Variants in BEND4 observed in about 807,000 individuals in gnomAD.
BEND4 encodes BEN domain containing 4, also known as BEN domain-containing protein 4.
In BEND4, 27 loss-of-function variants were observed where a neutral mutation model predicts 54.7. The observed-to-expected ratio is 0.49, with a 90% CI of 0.36 to 0.68. The LOEUF (loss-of-function observed/expected upper bound fraction) is 0.68. BEND4 is among the 30% of genes least tolerant of loss of function. BEND4 has a pLI of 0.00. For synonymous variants in BEND4, 327 were observed against 299.5 expected (o/e 1.09, Z -0.95); for missense variants, 702 against 697.2 (o/e 1.01, Z -0.08).
intron 3 of BEND4, among the ~76,000 whole-genome samples, chr4:42,136,452 A>T (rs528078616): frequency 6.6e-6 from 1 of 152,292 alleles, no homozygotes; most frequent in East Asian, 1.9e-4. Flanking sequence ...TGGATTCGGT[A>T]TTTGCAAATT....
In BEND4 at chr4:42,143,679, G is replaced by A. The variant is rs754744473; in HGVS notation, c.803C>T (p.Ser268Leu). 253 of 1,613,888 alleles carry A rather than the reference G, an allele frequency of 1.6e-4. No individual in the cohort carries two copies. The highest frequency in any genetic ancestry group is 1.9e-4 in the Non-Finnish European group (223 of 1,179,888). ...CAGATGGCCATATTCACTGGCTGACGAGGGGTTTGGAGTTGGAAAGCTTCC... is the reference window on the plus strand; with the variant it reads ...CAGATGGCCATATTCACTGGCTGACAAGGGGTTTGGAGTTGGAAAGCTTCC... The part of the protein sequence containing the change: ...LSGSFPTPNP[S>L]SASEYGHLAD... Residue 268 changes from serine to leucine, a missense_variant, in exon 3 of 6, where the codon TCG becomes TTG. By Grantham distance (145) the Ser-to-Leu change is moderately radical. Coordinates refer to ENST00000502486, the MANE Select transcript of BEND4 (RefSeq NM_207406.4).
intron 3 of BEND4, among the ~76,000 whole-genome samples, chr4:42,130,479 CAAAAA>C (rs55989085): frequency 6.2e-5 from 4 of 64,922 alleles, no homozygotes; most frequent in South Asian, 6.1e-4. Context: ...GAGTCCGTCT[CAAAAA>C]AAAAAAAAAA....
Position 42,117,665 on chromosome 4 carries a change from C to A in BEND4, c.1458G>T (p.Val486=). The A allele has an allele frequency of 6.2e-7, 1 of 1,611,242 alleles. No individual in the cohort carries two copies. The highest frequency in any genetic ancestry group is 8.5e-7 in the Non-Finnish European group (1 of 1,178,710). The change falls in exon 6 of 6, where the codon GTG becomes GTT. Residue 486 remains valine (V), a synonymous_variant. Transcript: ENST00000502486. ...WMPSEEQINK[V]FSDAVGHARQ... ...GGGCGTGACCGACAGCGTCGCTGAA[C>A]ACTTTGTTTATCTGCTCTTCCGAGG...
chr4:42,147,702 T>A (rs1445251141), intron 2 of BEND4, among the ~76,000 whole-genome samples: 1 of 152,176 alleles, frequency 6.6e-6, no homozygotes, highest in Non-Finnish European at 1.5e-5. Flanking sequence ...GATAATATTA[T>A]GCTGCAAATT....
intron 4 of BEND4, among the ~76,000 whole-genome samples, chr4:42,124,842 TG>T (rs1351373624): frequency 1.3e-5 from 2 of 152,058 alleles, no homozygotes; most frequent in Non-Finnish European, 2.9e-5. Flanking sequence ...TGTGCTGTAG[TG>T]TAGAATGAAG....
At chr4:42,151,562 G>A in intron 2 of BEND4, 95 bp downstream of exon 2, 2 of 1,287,836 alleles carry the variant, frequency 1.6e-6, no homozygotes. Flanking sequence ...GGCCCAGCAC[G>A]GGTAAGTGTC....
chr4:42,127,823 C>T (rs1013886134), intron 3 of BEND4, among the ~76,000 whole-genome samples: 2 of 152,098 alleles, frequency 1.3e-5, no homozygotes, highest in Non-Finnish European at 2.9e-5. Context: ...ACTCACTGAC[C>T]AGGATTTGAA....
At chr4:42,129,718 A>C (rs1181858050) in intron 3 of BEND4, among the ~76,000 whole-genome samples, 1 of 152,230 alleles carries the variant, frequency 6.6e-6, no homozygotes, top group Non-Finnish European at 1.5e-5. Context: ...CCTTATACAA[A>C]AAGTAACTCA....
intron 3 of BEND4, among the ~76,000 whole-genome samples, chr4:42,128,141 A>G (rs960964341): frequency 6.6e-6 from 1 of 152,228 alleles, no homozygotes; most frequent in Non-Finnish European, 1.5e-5. Context: ...AGCCTGGGCA[A>G]CAAAGCAACA....
chr4:42,142,302 C>T (rs779763183), intron 3 of BEND4, among the ~76,000 whole-genome samples: 6 of 150,848 alleles, frequency 4.0e-5, no homozygotes, highest in South Asian at 2.1e-4. Flanking sequence ...AAGCTACAGA[C>T]GTACAGGAAT....
In BEND4 at chr4:42,117,549, T is replaced by C; in HGVS notation, c.1574A>G (p.Asn525Ser). ...DHQASQDEVF[N>S]KSSQDGSGD is the part of the protein sequence containing the mutation. ...CCCAGATCCATCCTGGGAACTTTTA[T>C]TGAAGACTTCATCCTGAGAAGCCTG... Residue 525 changes from asparagine to serine, a missense_variant, in exon 6 of 6, where the codon AAT (asparagine) becomes AGT (serine). By Grantham distance (46) the Asn-to-Ser change is conservative. Transcript: ENST00000502486. 6.2e-7 allele frequency: 1 copy of C among 1,612,658 alleles called. No individual in the cohort carries two copies. Among genetic ancestry groups the C allele is most frequent in the Non-Finnish European group, 8.5e-7 (1 of 1,179,382 alleles).
intron 3 of BEND4, among the ~76,000 whole-genome samples, chr4:42,128,726 A>AT (rs1417873390): frequency 2.0e-5 from 3 of 151,806 alleles, no homozygotes; most frequent in Non-Finnish European, 2.9e-5. Context: ...CATGCCCGTA[A>AT]TCCCAGCACT....
intron 4 of BEND4, among the ~76,000 whole-genome samples, chr4:42,121,039 C>T (rs1036064485): frequency 6.6e-6 from 1 of 152,162 alleles, no homozygotes; most frequent in Non-Finnish European, 1.5e-5. Flanking sequence ...ATTGCACCTA[C>T]ACAACCATTA....
At position 42,142,028 on chromosome 4, in the gene BEND4, C is replaced by T. The variant is rs934499593; in HGVS notation, c.1054+1400G>A. The stretch of plus-strand genomic sequence containing the variant: ...ACGTCATTCTCCTGCCTCAGCCTCC[C>T]GAGTAGCTGGGACTACAGGCACCTG... On this transcript the variant is annotated intron_variant, in intron 3 of 5. Transcript: ENST00000502486. 4.6e-5 allele frequency among the ~76,000 whole-genome samples: 7 copies of T among 151,776 alleles called. No individual in the cohort carries two copies. In the East Asian group the frequency reaches 1.0e-3, roughly 22 times the overall value.
chr4:42,127,424 T>C (rs889002228), intron 3 of BEND4, among the ~76,000 whole-genome samples: 1 of 152,176 alleles, frequency 6.6e-6, no homozygotes, highest in Non-Finnish European at 1.5e-5. Context: ...CAAAGTTCAA[T>C]AAACCTGTCA....
In BEND4 at chr4:42,143,862, C is replaced by G. The variant is rs199617123; in HGVS notation, c.620G>C (p.Ser207Thr). ...MISCVKQEGSSYNERQEHCHI... is the reference protein window; with the variant it reads ...MISCVKQEGSTYNERQEHCHI... ...ACAGTGCTCCTGTCTTTCGTTGTAA[C>G]TTGAGCCTTCCTGCTTTACGCAAGA... Residue 207 changes from serine (S) to threonine (T), a missense_variant, in exon 3 of 6, where the codon AGT becomes ACT. Transcript: ENST00000502486. 40 of 1,553,558 alleles carry G rather than the reference C, an allele frequency of 2.6e-5. No individual in the cohort carries two copies. Among genetic ancestry groups the G allele is most frequent in the Non-Finnish European group, 3.3e-5 (38 of 1,153,298 alleles).
rs1292337335 is a variant in BEND4, at chr4:42,152,220, C to G, written c.-77G>C. 1 of 1,218,818 alleles carries G rather than the reference C, an allele frequency of 8.2e-7. No individual in the cohort carries two copies. Among genetic ancestry groups the G allele is most frequent in the Non-Finnish European group, 1.0e-6 (1 of 972,890 alleles). The allele number at this position is 1,218,818 out of a possible 1,614,324, so 75.5% of individuals were successfully genotyped here. On this transcript the variant is annotated 5_prime_UTR_variant, in exon 2 of 6. Coordinates refer to ENST00000502486, the MANE Select transcript of BEND4 (RefSeq NM_207406.4). ...CGGGCTCCGAGGGTGCCTCCGCCGC[C>G]TGCCCGCCGGGTCTGCCCTGGTGCG...
At chr4:42,129,540 GAC>G (rs1257193687) in intron 3 of BEND4, among the ~76,000 whole-genome samples, 2 of 152,108 alleles carry the variant, frequency 1.3e-5, no homozygotes, top group African/African-American at 2.4e-5. Flanking sequence ...TACAAAAACA[GAC>G]ACACAGACCA....
At chr4:42,135,251 A>T (rs2153146324) in intron 3 of BEND4, among the ~76,000 whole-genome samples, 1 of 152,302 alleles carries the variant, frequency 6.6e-6, no homozygotes, top group African/African-American at 2.4e-5. Flanking sequence ...GGAAGGAGAG[A>T]TGAGCTCTGG....
Sources: allele counts gnomAD v4.1 joint callset (sites outside exome capture counted in the v4.1 genomes callset), GRCh38; gene constraint gnomAD v4.1.1; transcripts MANE v1.5; gene names NCBI Gene and HGNC (gene_info 2026-07-23, HGNC 2026-07-21).